The following SEPTIN7 variants were observed in gnomAD, a reference collection of about 807,000 sequenced individuals.
SEPTIN7 encodes septin-7.
In SEPTIN7, 10 loss-of-function variants were observed where a neutral mutation model predicts 63.3. The ratio of observed to expected loss-of-function variants is 0.16; its 90% confidence interval spans 0.10 to 0.27. The LOEUF is 0.27. SEPTIN7 is among the 10% of genes least tolerant of loss of function. The probability of loss-of-function intolerance (pLI) is 1.00; values close to 1 mark genes in which losing one functional copy is unlikely to be tolerated. For synonymous variants in SEPTIN7, 131 were observed against 165.3 expected (o/e 0.79, Z 1.59); for missense variants, 310 against 521.0 (o/e 0.59, Z 3.94).
rs1789359140 is a variant in SEPTIN7 at position 35,820,679 on chromosome 7, A to G, written c.62-10813A>G. Among the ~76,000 whole-genome samples, 3 of 152,192 alleles carry G rather than the reference A, an allele frequency of 2.0e-5. No individual in the cohort carries two copies. In the South Asian group the frequency reaches 6.2e-4, roughly 31 times the overall value. On this transcript the variant is annotated intron_variant, in intron 1 of 13. Coordinates refer to ENST00000350320, the MANE Select transcript of SEPTIN7 (RefSeq NM_001788.6). ...TGAACATATCTAAAATAGCAGGTTT[A>G]AAGTATTTGTTTAATGTCTGGGCTT...
rs574732784 is a variant in SEPTIN7, at chr7:35,843,552, A to G, written c.169+10652A>G. On this transcript the variant is annotated intron_variant, in intron 3 of 13. Coordinates refer to ENST00000350320, the MANE Select transcript of SEPTIN7 (RefSeq NM_001788.6). Reference sequence around the variant, plus strand: ...AGCCAGTATTTGACTGTATTATAGAATTAATTGGTATGTGAATAGAATAGT... The same window carrying G: ...AGCCAGTATTTGACTGTATTATAGAGTTAATTGGTATGTGAATAGAATAGT... Among the ~76,000 whole-genome samples, 12 of 152,342 alleles carry G rather than the reference A, an allele frequency of 7.9e-5. No homozygotes were observed. The South Asian group carries it at 8.3e-4, about 11-fold the overall frequency.
intron 1 of SEPTIN7, among the ~76,000 whole-genome samples, chr7:35,829,254 C>T (rs1783696138): frequency 6.6e-6 from 1 of 150,696 alleles, no homozygotes. Context: ...ATTCTCCTGC[C>T]TCAGCCTCCC....
intron 11 of SEPTIN7, among the ~76,000 whole-genome samples, chr7:35,896,856 A>G (rs1366345582): frequency 2.0e-5 from 3 of 152,248 alleles, no homozygotes; most frequent in Non-Finnish European, 4.4e-5. Context: ...GCGAAAACAG[A>G]TCATCTTAAT....
chr7:35,858,562 G>T (rs1583574919), intron 3 of SEPTIN7, among the ~76,000 whole-genome samples: 1 of 152,050 alleles, frequency 6.6e-6, no homozygotes, highest in East Asian at 1.9e-4. Context: ...CACATTGTTG[G>T]CCAGGATTAT....
At chr7:35,900,496 A>G (rs912783909) in intron 12 of SEPTIN7, 1 of 152,216 alleles carries the variant, frequency 6.6e-6, no homozygotes, top group African/African-American at 2.4e-5. Flanking sequence ...CATTTTGGAG[A>G]TTAATTTATC....
intron 6 of SEPTIN7, among the ~76,000 whole-genome samples, chr7:35,875,638 A>G (rs1786428031): frequency 6.6e-6 from 1 of 152,222 alleles, no homozygotes; most frequent in Non-Finnish European, 1.5e-5. Context: ...AGTATTTTGT[A>G]ATTGTTATTA....
chr7:35,875,288 C>G (rs1341531549), intron 6 of SEPTIN7, among the ~76,000 whole-genome samples: 1 of 152,128 alleles, frequency 6.6e-6, no homozygotes, highest in Non-Finnish European at 1.5e-5. Flanking sequence ...TACCTTTGAA[C>G]AATTTCTCAG....
In SEPTIN7 at chr7:35,882,539, A is replaced by G; in HGVS notation, c.686A>G (p.Asp229Gly). ...KIKIYEFPET[D>G]DEEENKLVKK... is the part of the protein sequence containing the mutation. The stretch of plus-strand genomic sequence containing the variant: ...AAAATATACGAATTTCCAGAAACAG[A>G]TGATGAAGAAGAAAATAAACTTGTT... The change falls in exon 8 of 14, where the codon GAT becomes GGT. Residue 229 changes from aspartate to glycine, a missense_variant. By Grantham distance (94) the Asp-to-Gly change is moderately conservative. Transcript: ENST00000350320. 1.3e-6 allele frequency: 2 copies of G among 1,488,290 alleles called. No individual in the cohort carries two copies. The highest frequency in any genetic ancestry group is 2.3e-5 in the Admixed American group (1 of 44,442). 92.2% of individuals were successfully genotyped at this position (1,488,290 alleles called of 1,614,324 possible). A position where few individuals can be genotyped will look rare whatever the true frequency, so the allele number is the denominator to read the frequency against.
downstream of SEPTIN7, among the ~76,000 whole-genome samples, chr7:35,908,703 C>A (rs376833195): frequency 1.3e-5 from 2 of 152,138 alleles, no homozygotes; most frequent in Non-Finnish European, 2.9e-5. Flanking sequence ...GTTCTCTCTT[C>A]GAGGTGGGCC....
intron 10 of SEPTIN7, among the ~76,000 whole-genome samples, chr7:35,887,179 T>C (rs1787304622): frequency 6.6e-6 from 1 of 152,256 alleles, no homozygotes; most frequent in South Asian, 2.1e-4. Flanking sequence ...AGAGAATGTT[T>C]AATAAATACT....
intron 6 of SEPTIN7, among the ~76,000 whole-genome samples, chr7:35,877,465 CTCTT>C (rs575986351): frequency 1.6e-4 from 25 of 152,248 alleles, no homozygotes; most frequent in African/African-American, 5.1e-4. Flanking sequence ...ATATATGTTT[CTCTT>C]TCTTTATTTT....
At chr7:35,889,634 C>G (rs1787514336) in intron 10 of SEPTIN7, among the ~76,000 whole-genome samples, 1 of 152,098 alleles carries the variant, frequency 6.6e-6, no homozygotes. Flanking sequence ...ACCTCCACTT[C>G]CTGGGTTCAA....
intron 3 of SEPTIN7, among the ~76,000 whole-genome samples, chr7:35,856,919 G>A (rs961784540): frequency 2.6e-4 from 39 of 152,264 alleles, no homozygotes; most frequent in Admixed American, 2.4e-3. Flanking sequence ...AAATAATTAA[G>A]GTCTCTTTGA....
intron 1 of SEPTIN7, among the ~76,000 whole-genome samples, chr7:35,823,102 T>C (rs1285480803): frequency 6.6e-6 from 1 of 152,200 alleles, no homozygotes. Context: ...AAGTAAAATA[T>C]TAAAAAAAGA....
In SEPTIN7 at chr7:35,855,723, C is replaced by G. The variant is rs1210384688; in HGVS notation, c.170-7829C>G. 2.6e-5 allele frequency among the ~76,000 whole-genome samples: 4 copies of G among 152,228 alleles called. No individual in the cohort carries two copies. In the East Asian group the frequency reaches 7.7e-4, roughly 29 times the overall value. On this transcript the variant is annotated intron_variant, in intron 3 of 13. Coordinates refer to ENST00000350320, the MANE Select transcript of SEPTIN7 (RefSeq NM_001788.6). ...CTACAGAGAATTCAGAGAATATGAT[C>G]TGTAGGTTCCAGCATTGATTTATTT...
the SEPTIN7 span, among the ~76,000 whole-genome samples, chr7:35,912,993 C>T: frequency 6.6e-6 from 1 of 152,186 alleles, no homozygotes; most frequent in Non-Finnish European, 1.5e-5. Flanking sequence ...ATATGAAAGT[C>T]CACCATCAGG....
In SEPTIN7 at chr7:35,876,411, ATT is replaced by A. The variant is rs145471368; in HGVS notation, c.512+2638_512+2639del. Reference sequence around the variant, plus strand: ...GCTTAATAAGGTAGTGGCAGTTTAAATTTGTCATGAATATGAATTGAAAAACC... The same window carrying A: ...GCTTAATAAGGTAGTGGCAGTTTAAATGTCATGAATATGAATTGAAAAACC... On this transcript the variant is annotated intron_variant, in intron 6 of 13. Coordinates refer to ENST00000350320, the MANE Select transcript of SEPTIN7 (RefSeq NM_001788.6). Among the ~76,000 whole-genome samples the A allele has an allele frequency of 8.4e-3, 1,284 of 152,344 alleles. 15 individuals carry two copies. The highest frequency in any genetic ancestry group is 0.03 in the African/African-American group (1,252 of 41,588).
chr7:35,856,476 A>G (rs1466540591), intron 3 of SEPTIN7, among the ~76,000 whole-genome samples: 1 of 152,250 alleles, frequency 6.6e-6, no homozygotes, highest in African/African-American at 2.4e-5. Context: ...TTAGCTGGGT[A>G]AACATCAAGA....
Position 35,904,304 on chromosome 7 carries a change from G to T in SEPTIN7, c.*11G>T. ...GGGAAGATCTTTTAAACTCTCTATT[G>T]ACCACCAGTTAACGTATTAGTTGCC... On this transcript the variant is annotated 3_prime_UTR_variant, in exon 14 of 14. Coordinates refer to ENST00000350320, the MANE Select transcript of SEPTIN7 (RefSeq NM_001788.6). 6.4e-7 allele frequency: 1 copy of T among 1,554,752 alleles called. No individual in the cohort carries two copies. The highest frequency in any genetic ancestry group is 1.2e-5 in the South Asian group (1 of 82,068).
Sources: gnomAD v4.1 joint callset for allele counts (sites outside exome capture counted in the v4.1 genomes callset) on GRCh38, gnomAD v4.1.1 for gene constraint, MANE v1.5 for transcripts, NCBI Gene and HGNC (gene_info 2026-07-23, HGNC 2026-07-21) for gene names.